The following GREB1L variants were observed in gnomAD, a reference collection of about 807,000 sequenced individuals.
GREB1L encodes the protein GREB1-like protein.
In GREB1L, 17 loss-of-function variants were observed where a neutral mutation model predicts 200.8. That is an observed-to-expected ratio of 0.08 (90% CI 0.06 to 0.13). The LOEUF (loss-of-function observed/expected upper bound fraction) is 0.13, where lower values mean the gene tolerates loss of function less well. Ranked by LOEUF, GREB1L falls within the 10% of genes least tolerant of loss-of-function variation. The pLI is 1.00. For missense variants in GREB1L, 1,657 were observed against 2,367.7 expected (o/e 0.70, Z 6.23); for synonymous variants, 789 against 893.0 (o/e 0.88, Z 2.08).
intron 1 of GREB1L, among the ~76,000 whole-genome samples, chr18:21,358,604 C>T (rs1323741168): frequency 1.3e-5 from 2 of 152,094 alleles, no homozygotes; most frequent in African/African-American, 4.8e-5. Context: ...CATGAGCCAC[C>T]GCGCCCAGCC....
intron 23 of GREB1L, among the ~76,000 whole-genome samples, chr18:21,501,066 C>CA (rs11295281): frequency 0.01 from 877 of 86,752 alleles, 7 homozygotes; most frequent in Non-Finnish European, 0.015. Context: ...GACTTTGTCT[C>CA]AAAAAAAAAA....
intron 25 of GREB1L, 38 bp from the exon 26 acceptor site, chr18:21,508,080 T>C: frequency 6.5e-7 from 1 of 1,542,600 alleles, no homozygotes; most frequent in East Asian, 2.4e-5. Context: ...AACTGTGGGC[T>C]TACTTACGTT....
intron 1 of GREB1L, among the ~76,000 whole-genome samples, chr18:21,263,906 A>G (rs1166699764): frequency 6.6e-6 from 1 of 152,224 alleles, no homozygotes; most frequent in Non-Finnish European, 1.5e-5. Context: ...TTGTATGACC[A>G]AGAAATACAA....
intron 6 of GREB1L, 49 bp downstream of exon 6, chr18:21,401,375 G>A (rs2041309548): frequency 1.4e-6 from 2 of 1,434,476 alleles, no homozygotes; most frequent in Non-Finnish European, 1.9e-6. Flanking sequence ...ATTTTACGGT[G>A]GTGACAAGTG....
At position 21,490,341 on chromosome 18, in the gene GREB1L, C is replaced by T. The variant is rs202059916; in HGVS notation, c.3020C>T (p.Ala1007Val). Residue 1007 changes from alanine to valine, a missense_variant, in exon 19 of 33, where the codon GCG becomes GTG. Around this residue, in one of 9 missense-constraint regions of GREB1L, gnomAD observed 512 missense variants for 668.3 expected, o/e 0.77. Coordinates refer to ENST00000424526, the MANE Select transcript of GREB1L (RefSeq NM_001142966.3). Reference protein sequence around the residue: ...TELSVATHFVARLKSWRGNEP... With the variant: ...TELSVATHFVVRLKSWRGNEP... ...CTCAGTGTTGCAACTCACTTTGTGG[C>T]GCGATTAAAGGTTAGCAATGGACAG... 136 of 1,550,636 alleles carry T rather than the reference C, an allele frequency of 8.8e-5. No homozygotes were observed. The highest frequency in any genetic ancestry group is 5.0e-4 in the Middle Eastern group (3 of 6,016).
chr18:21,314,626 G>T (rs1325525604), intron 1 of GREB1L, among the ~76,000 whole-genome samples: 1 of 152,168 alleles, frequency 6.6e-6, no homozygotes, highest in East Asian at 1.9e-4. Context: ...TTTGTATTTT[G>T]TGACAATTTT....
At chr18:21,457,056 G>A (rs1426932250) in intron 15 of GREB1L, among the ~76,000 whole-genome samples, 2 of 152,146 alleles carry the variant, frequency 1.3e-5, no homozygotes, top group Admixed American at 6.5e-5. Flanking sequence ...ATCATCTGCA[G>A]AGCCTTTTCC....
At chr18:21,312,421 C>T (rs1202352164) in intron 1 of GREB1L, among the ~76,000 whole-genome samples, 2 of 152,102 alleles carry the variant, frequency 1.3e-5, no homozygotes, top group African/African-American at 4.8e-5. Context: ...CCACAGTGGT[C>T]GAAGTAATTC....
intron 30 of GREB1L, 118 bp downstream of exon 30, chr18:21,516,872 A>G: frequency 1.4e-6 from 1 of 739,660 alleles, no homozygotes; most frequent in Non-Finnish European, 2.0e-6. Context: ...AAATAACACA[A>G]GGGAGTTTTT....
chr18:21,519,574 C>T (rs1286851255), intron 31 of GREB1L, among the ~76,000 whole-genome samples: 1 of 152,144 alleles, frequency 6.6e-6, no homozygotes, highest in African/African-American at 2.4e-5. Flanking sequence ...TTCCAATTCC[C>T]CTATCCTAGA....
chr18:21,399,994 AGT>A (rs2041250724), intron 5 of GREB1L, among the ~76,000 whole-genome samples: 1 of 152,094 alleles, frequency 6.6e-6, no homozygotes, highest in Non-Finnish European at 1.5e-5. Flanking sequence ...GTCTGAAAAG[AGT>A]GTATCACTTC....
Position 21,383,531 on chromosome 18 carries a change from TATGCTG to T in GREB1L, c.14_19del (p.Tyr5_Gly7delinsTrp). The T allele has an allele frequency of 6.7e-7, 1 of 1,492,674 alleles. No individual in the cohort carries two copies. The allele number at this position is 1,492,674 out of a possible 1,614,324, so 92.5% of individuals were successfully genotyped here. Reference sequence around the variant, plus strand: ...GTAGGTGTAGATCATGGGGAATTCATATGCTGGGCAACTGAAATCTGCTCGATTTGA... The same window carrying T: ...GTAGGTGTAGATCATGGGGAATTCATGGCAACTGAAATCTGCTCGATTTGA... On this transcript the variant is annotated inframe_deletion, in exon 3 of 33. Transcript: ENST00000424526.
At chr18:21,306,028 A>G (rs1056346744) in intron 1 of GREB1L, among the ~76,000 whole-genome samples, 3 of 152,078 alleles carry the variant, frequency 2.0e-5, no homozygotes, top group Non-Finnish European at 4.4e-5. Context: ...TTTTTATCCC[A>G]TTACCTTATT....
chr18:21,372,736 A>G (rs1598710157), intron 2 of GREB1L, among the ~76,000 whole-genome samples: 1 of 152,066 alleles, frequency 6.6e-6, no homozygotes, highest in South Asian at 2.1e-4. Context: ...AGCCTGACCA[A>G]TATGGAGAAA....
At chr18:21,254,803 T>C (rs1312210639) in intron 1 of GREB1L, among the ~76,000 whole-genome samples, 4 of 152,142 alleles carry the variant, frequency 2.6e-5, no homozygotes, top group African/African-American at 9.7e-5. Flanking sequence ...ACACGACTCA[T>C]ACCCTCACAC....
At chr18:21,300,778 C>T (rs1046667857) in intron 1 of GREB1L, among the ~76,000 whole-genome samples, 1 of 152,200 alleles carries the variant, frequency 6.6e-6, no homozygotes, top group African/African-American at 2.4e-5. Context: ...CCCTCCTCAC[C>T]CCTTCTTCCC....
intron 32 of GREB1L, 146 bp from the exon 33 acceptor site, chr18:21,522,512 A>G (rs919755438): frequency 1.4e-5 from 9 of 633,494 alleles, no homozygotes; most frequent in Admixed American, 3.6e-5. Flanking sequence ...TTGCAAAACT[A>G]CTTAATAAAA....
chr18:21,299,200 C>A lies in GREB1L; in HGVS notation c.-120+56807C>A, dbSNP rs1336571916. On this transcript the variant is annotated intron_variant, in intron 1 of 32. Transcript: ENST00000424526. ...GGCTGAGGCAGGAGAATCACTTGAA[C>A]CCTGGAGGCGGAGGTTGCAGTGAGC... Among the ~76,000 whole-genome samples, 11 of 151,528 alleles carry A rather than the reference C, an allele frequency of 7.3e-5. No homozygotes were observed. The East Asian group carries it at 2.1e-3, about 29-fold the overall frequency.
At position 21,383,695 on chromosome 18, in the gene GREB1L, A is replaced by T; in HGVS notation, c.157+20A>T. 1 of 1,540,798 alleles carries T rather than the reference A, an allele frequency of 6.5e-7. No individual in the cohort carries two copies. The highest frequency in any genetic ancestry group is 8.7e-7 in the Non-Finnish European group (1 of 1,142,958). Reference sequence around the variant, plus strand: ...CTGCAGGTAAGTTTCTCAATCACACACATTTCTGGATTCTTTTTTTTTGTT... The same window carrying T: ...CTGCAGGTAAGTTTCTCAATCACACTCATTTCTGGATTCTTTTTTTTTGTT... On this transcript the variant is annotated intron_variant, in intron 3 of 32. Transcript: ENST00000424526.
Sources: gnomAD v4.1 joint callset for allele counts (sites outside exome capture counted in the v4.1 genomes callset) on GRCh38, gnomAD v4.1.1 for gene constraint, gnomAD v4.1.1 regional missense constraint, MANE v1.5 for transcripts, NCBI Gene and HGNC (gene_info 2026-07-23, HGNC 2026-07-21) for gene names.